CDK14: variants seen among roughly 807,000 people sequenced by gnomAD.
CDK14 encodes the protein cyclin-dependent kinase 14.
In CDK14, 34 loss-of-function variants were observed where a neutral mutation model predicts 60.7. That is an observed-to-expected ratio of 0.56 (90% CI 0.43 to 0.75). CDK14 has a LOEUF of 0.75. CDK14 is among the 30% of genes least tolerant of loss of function. The probability of loss-of-function intolerance (pLI) is 0.00; values close to 1 mark genes in which losing one functional copy is unlikely to be tolerated. For missense variants in CDK14, 482 were observed against 564.1 expected (o/e 0.85, Z 1.47); for synonymous variants, 197 against 203.7 (o/e 0.97, Z 0.28).
At chr7:90,986,242 G>C (rs1795369226) in intron 10 of CDK14, among the ~76,000 whole-genome samples, 1 of 152,058 alleles carries the variant, frequency 6.6e-6, no homozygotes, top group East Asian at 1.9e-4. Context: ...CATATTGATA[G>C]CTTGTTTTCA....
At chr7:91,163,648 T>C (rs1366360049) in intron 14 of CDK14, among the ~76,000 whole-genome samples, 1 of 152,200 alleles carries the variant, frequency 6.6e-6, no homozygotes. Context: ...TTGAAATACA[T>C]AATACAGTAT....
At chr7:91,167,573 A>C (rs1178356302) in intron 14 of CDK14, among the ~76,000 whole-genome samples, 2 of 152,146 alleles carry the variant, frequency 1.3e-5, no homozygotes, top group African/African-American at 4.8e-5. Context: ...CTCAGTGCGC[A>C]TGTTGGAGTT....
intron 2 of CDK14, among the ~76,000 whole-genome samples, chr7:90,629,014 A>C (rs1799936053): frequency 6.6e-6 from 1 of 152,148 alleles, no homozygotes; most frequent in Non-Finnish European, 1.5e-5. Flanking sequence ...ACCAGCCTGC[A>C]GCAAAGACAT....
At chr7:91,127,279 A>T (rs1187666441) in intron 14 of CDK14, among the ~76,000 whole-genome samples, 1 of 152,140 alleles carries the variant, frequency 6.6e-6, no homozygotes. Flanking sequence ...AAGAAAGCAA[A>T]CTTCTTTATT....
At chr7:90,598,335 G>A (rs1799238858) in intron 1 of CDK14, among the ~76,000 whole-genome samples, 1 of 152,188 alleles carries the variant, frequency 6.6e-6, no homozygotes. Context: ...GCTGGCAAAT[G>A]GGGGTATTAT....
chr7:90,876,403 A>G (rs1791564564), intron 6 of CDK14, among the ~76,000 whole-genome samples: 1 of 152,208 alleles, frequency 6.6e-6, no homozygotes, highest in East Asian at 1.9e-4. Flanking sequence ...AGGGGCAGTT[A>G]TCTGTATAAG....
chr7:90,768,530 A>G (rs1804657457), intron 4 of CDK14, among the ~76,000 whole-genome samples: 1 of 152,226 alleles, frequency 6.6e-6, no homozygotes, highest in Non-Finnish European at 1.5e-5. Flanking sequence ...TGGGCGTCTC[A>G]GTTTCTCATC....
At chr7:91,071,283 C>T (rs1360837522) in intron 11 of CDK14, among the ~76,000 whole-genome samples, 2 of 152,140 alleles carry the variant, frequency 1.3e-5, no homozygotes, top group Non-Finnish European at 2.9e-5. Flanking sequence ...ATCTGAGGCT[C>T]TCATCAAAAA....
intron 4 of CDK14, among the ~76,000 whole-genome samples, chr7:90,756,396 AAAAG>A (rs1198723148): frequency 2.6e-5 from 4 of 152,246 alleles, no homozygotes; most frequent in Non-Finnish European, 4.4e-5. Flanking sequence ...ATGCCTGAAT[AAAAG>A]AAAGACTTTA....
intron 2 of CDK14, among the ~76,000 whole-genome samples, chr7:90,698,076 A>AAG (rs1801702007): frequency 6.7e-6 from 1 of 150,218 alleles, no homozygotes; most frequent in Non-Finnish European, 1.5e-5. Context: ...TCAAAAAAAA[A>AAG]AAAAAAAAAA....
chr7:91,201,541 A>C (rs1222078920), intron 14 of CDK14, among the ~76,000 whole-genome samples: 1 of 151,884 alleles, frequency 6.6e-6, no homozygotes, highest in Non-Finnish European at 1.5e-5. Context: ...AAAAAAAAAA[A>C]CAACAAAACA....
At chr7:90,909,407 C>G (rs1792816124) in intron 7 of CDK14, among the ~76,000 whole-genome samples, 1 of 151,704 alleles carries the variant, frequency 6.6e-6, no homozygotes, top group Admixed American at 6.6e-5. Flanking sequence ...CAGATGCCCA[C>G]CTTTATTAGG....
chr7:91,028,446 C>G (rs1376168871), intron 10 of CDK14, among the ~76,000 whole-genome samples: 1 of 152,144 alleles, frequency 6.6e-6, no homozygotes, highest in Non-Finnish European at 1.5e-5. Flanking sequence ...TAGCTACCTA[C>G]TAGTAGAATT....
chr7:91,062,771 C>T (rs186644359), intron 11 of CDK14, among the ~76,000 whole-genome samples: 1 of 152,202 alleles, frequency 6.6e-6, no homozygotes, highest in East Asian at 1.9e-4. Flanking sequence ...AACAAACCAC[C>T]CCAAAGGTGT....
At chr7:90,731,457 A>G (rs1171011995) in intron 3 of CDK14, among the ~76,000 whole-genome samples, 1 of 152,130 alleles carries the variant, frequency 6.6e-6, no homozygotes, top group Non-Finnish European at 1.5e-5. Flanking sequence ...CATGATATTG[A>G]TTCTTCATAT....
chr7:90,885,292 A>G (rs1361970306), intron 6 of CDK14, among the ~76,000 whole-genome samples: 1 of 152,148 alleles, frequency 6.6e-6, no homozygotes, highest in East Asian at 1.9e-4. Flanking sequence ...ACACTTCTCA[A>G]AGAAGACATT....
chr7:90,788,814 G>T (rs1372225946), intron 4 of CDK14, among the ~76,000 whole-genome samples: 1 of 152,108 alleles, frequency 6.6e-6, no homozygotes, highest in Non-Finnish European at 1.5e-5. Flanking sequence ...GTTCTCCTTT[G>T]CTAGTTCTTT....
chr7:90,710,104 A>G (rs1802005008), intron 2 of CDK14: 2 of 974,624 alleles, frequency 2.1e-6, no homozygotes, highest in African/African-American at 3.5e-5. Context: ...TAACTGCCAG[A>G]AACATCACAG....
chr7:91,158,552 A>G (rs1275380952), intron 14 of CDK14, among the ~76,000 whole-genome samples: 3 of 152,176 alleles, frequency 2.0e-5, no homozygotes, highest in Admixed American at 1.3e-4. Context: ...ACTCATTACA[A>G]TGGAGATGTA....
Sources: gnomAD v4.1 joint callset for allele counts (sites outside exome capture counted in the v4.1 genomes callset) on GRCh38, gnomAD v4.1.1 for gene constraint, MANE v1.5 for transcripts, NCBI Gene and HGNC (gene_info 2026-07-23, HGNC 2026-07-21) for gene names.